The following TAFA2 variants were observed in gnomAD, a reference collection of about 807,000 sequenced individuals.
The protein encoded by TAFA2 is TAFA chemokine like family member 2.
A neutral mutation model predicts 18.8 loss-of-function variants in TAFA2; 7 were observed. The observed-to-expected ratio is 0.37, with a 90% confidence interval of 0.21 to 0.70. The LOEUF is 0.70. Ranked by LOEUF, TAFA2 falls within the 30% of genes least tolerant of loss-of-function variation. The pLI is 0.53. For synonymous variants in TAFA2, 60 were observed against 54.2 expected, an observed-to-expected ratio of 1.11 and a Z score of -0.47; for missense variants, 122 against 158.1, an observed-to-expected ratio of 0.77 and a Z score of 1.23.
chr12:62,179,176 T>C (rs2062535293), intron 1 of TAFA2, among the ~76,000 whole-genome samples: 1 of 152,230 alleles, frequency 6.6e-6, no homozygotes, highest in Non-Finnish European at 1.5e-5. Context: ...TTTTAAATTA[T>C]ACAATTAATG....
intron 1 of TAFA2, among the ~76,000 whole-genome samples, chr12:61,873,668 T>C (rs1874717692): frequency 6.6e-6 from 1 of 152,194 alleles, no homozygotes; most frequent in South Asian, 2.1e-4. Flanking sequence ...CCATTCTTTG[T>C]TCTTACTAAT....
intron 2 of TAFA2, among the ~76,000 whole-genome samples, chr12:61,785,360 T>TGTGC (rs200476745): frequency 3.0e-4 from 44 of 145,556 alleles, no homozygotes; most frequent in African/African-American, 1.0e-3. Flanking sequence ...TGTGTGTGTG[T>TGTGC]TTGTGTGTGT....
At chr12:61,784,288 T>G (rs1870632372) in intron 2 of TAFA2, among the ~76,000 whole-genome samples, 1 of 151,384 alleles carries the variant, frequency 6.6e-6, no homozygotes, top group African/African-American at 2.4e-5. Context: ...CAGAGTAGGG[T>G]CTGAGAAGTT....
At chr12:62,063,877 C>CACACACACACACACACACATGCAT (rs1242704801) in intron 1 of TAFA2, among the ~76,000 whole-genome samples, 1 of 151,902 alleles carries the variant, frequency 6.6e-6, no homozygotes, top group Non-Finnish European at 1.5e-5. Flanking sequence ...CACACACACA[C>CACACACACACACACACACATGCAT]ACACACATGC....
intron 1 of TAFA2, among the ~76,000 whole-genome samples, chr12:62,159,894 A>G (rs1490336029): frequency 6.6e-6 from 1 of 152,194 alleles, no homozygotes; most frequent in Admixed American, 6.6e-5. Context: ...AAGATAAAAT[A>G]GTAGGGGAAG....
chr12:61,958,201 C>A (rs1291249938), intron 1 of TAFA2, among the ~76,000 whole-genome samples: 2 of 151,992 alleles, frequency 1.3e-5, no homozygotes, highest in East Asian at 3.9e-4. Context: ...CACAATAATA[C>A]CTCATAACAA....
chr12:61,733,490 T>G (rs1279550729), intron 4 of TAFA2, among the ~76,000 whole-genome samples: 2 of 151,636 alleles, frequency 1.3e-5, no homozygotes, highest in African/African-American at 4.8e-5. Flanking sequence ...TTTCTACATA[T>G]GGCTAGCCAG....
chr12:61,772,331 C>T (rs1477287951), intron 2 of TAFA2, among the ~76,000 whole-genome samples: 2 of 151,970 alleles, frequency 1.3e-5, no homozygotes, highest in African/African-American at 4.8e-5. Context: ...CCTATTCACA[C>T]TATTCCAAAA....
chr12:62,204,881 A>G (rs1263889577), intron 1 of TAFA2, among the ~76,000 whole-genome samples: 1 of 152,042 alleles, frequency 6.6e-6, no homozygotes, highest in African/African-American at 2.4e-5. Context: ...GGGAGGTGCT[A>G]TGATCATTTG....
At chr12:62,037,612 C>G (rs979738137) in intron 1 of TAFA2, among the ~76,000 whole-genome samples, 19 of 152,184 alleles carry the variant, frequency 1.2e-4, no homozygotes, top group African/African-American at 4.1e-4. Context: ...CCACTACAGA[C>G]TTATGGAATA....
chr12:62,103,684 T>C (rs1592336889), intron 1 of TAFA2, among the ~76,000 whole-genome samples: 1 of 150,760 alleles, frequency 6.6e-6, no homozygotes, highest in Non-Finnish European at 1.5e-5. Context: ...GAGGTTGCGG[T>C]GAGCCAAGAT....
chr12:61,759,420 G>A (rs1479351129), intron 2 of TAFA2, among the ~76,000 whole-genome samples: 1 of 148,450 alleles, frequency 6.7e-6, no homozygotes, highest in Non-Finnish European at 1.5e-5. Context: ...AAGAGCTACT[G>A]TGTAATTCAG....
chr12:62,180,530 A>G (rs1227903320), intron 1 of TAFA2, among the ~76,000 whole-genome samples: 1 of 152,212 alleles, frequency 6.6e-6, no homozygotes, highest in Non-Finnish European at 1.5e-5. Context: ...ACTTTTTTAT[A>G]ATCTAATAAA....
chr12:62,163,736 A>G (rs2062421054), intron 1 of TAFA2, among the ~76,000 whole-genome samples: 1 of 152,256 alleles, frequency 6.6e-6, no homozygotes. Context: ...AAATATGGCA[A>G]ATATATCAGT....
At chr12:61,913,386 T>C (rs1876691750) in intron 1 of TAFA2, among the ~76,000 whole-genome samples, 1 of 152,204 alleles carries the variant, frequency 6.6e-6, no homozygotes, top group South Asian at 2.1e-4. Context: ...TGGATATGTG[T>C]TATGATACCC....
At chr12:62,246,776 T>A (rs1490057196) in intron 1 of TAFA2, among the ~76,000 whole-genome samples, 1 of 152,206 alleles carries the variant, frequency 6.6e-6, no homozygotes, top group Admixed American at 6.5e-5. Flanking sequence ...TGATAGCAGA[T>A]GTAAAGACAA....
Position 61,917,516 on chromosome 12 carries a change from T to C in TAFA2, c.-1-50090A>G, listed in dbSNP as rs55661423. ...TTACACATTTCTTTCGTTTATTTGA[T>C]TGAACTCTGCACCCTTCATAACTTC... is the stretch of plus-strand genomic sequence containing the variant. On this transcript the variant is annotated intron_variant, in intron 1 of 4. Coordinates refer to ENST00000416284, the MANE Select transcript of TAFA2 (RefSeq NM_178539.5). 7.7e-3 allele frequency among the ~76,000 whole-genome samples: 1,178 copies of C among 152,218 alleles called. 11 individuals are homozygous for C. The highest frequency in any genetic ancestry group is 0.027 in the African/African-American group (1,137 of 41,540).
At chr12:62,235,350 G>C in intron 1 of TAFA2, 1 of 655,152 alleles carries the variant, frequency 1.5e-6, no homozygotes, top group Middle Eastern at 2.6e-4. Context: ...CTGAATGCTT[G>C]GTAGGCCATG....
intron 1 of TAFA2, among the ~76,000 whole-genome samples, chr12:61,922,498 C>CG (rs1877096371): frequency 6.6e-6 from 1 of 152,130 alleles, no homozygotes; most frequent in Non-Finnish European, 1.5e-5. Flanking sequence ...TGCAAGGGGT[C>CG]GGGGAACCCC....
Sources: gnomAD v4.1 joint callset for allele counts (sites outside exome capture counted in the v4.1 genomes callset) on GRCh38, gnomAD v4.1.1 for gene constraint, MANE v1.5 for transcripts, NCBI Gene and HGNC (gene_info 2026-07-23, HGNC 2026-07-21) for gene names.